The following SBNO2 variants were observed in gnomAD, a reference collection of about 807,000 sequenced individuals.
The protein encoded by SBNO2 is protein strawberry notch homolog 2.
A neutral mutation model predicts 146.3 loss-of-function variants in SBNO2; 89 were observed. The ratio of observed to expected loss-of-function variants is 0.61; its 90% CI spans 0.51 to 0.73. The LOEUF is 0.73. Ranked by LOEUF, SBNO2 falls within the 30% of genes least tolerant of loss-of-function variation. SBNO2 has a pLI of 0.00. For synonymous variants in SBNO2, 1,147 were observed against 892.6 expected (o/e 1.29, Z -5.08); for missense variants, 2,092 against 2,003.7 (o/e 1.04, Z -0.84).
At chr19:1,127,112 C>T (rs555038503) in intron 5 of SBNO2, among the ~76,000 whole-genome samples, 7 of 140,982 alleles carry the variant, frequency 5.0e-5, no homozygotes, top group South Asian at 2.1e-4. Flanking sequence ...CTGACCCAGG[C>T]ACCATGGGGC....
Position 1,109,615 on chromosome 19 carries a change from TG to T in SBNO2, c.3124-18del, listed in dbSNP as rs766262852. ...CACGCTGATCTGCCACGGCACGGGGTGGGGGGGTGTGAGTGTGGTGGGGGCG... is the reference window on the plus strand; with the variant it reads ...CACGCTGATCTGCCACGGCACGGGGTGGGGGGTGTGAGTGTGGTGGGGGCG... On this transcript the variant is annotated intron_variant, in intron 27 of 31. Transcript: ENST00000361757. The surrounding 1 kb of genome is among the most constrained non-coding windows in gnomAD (Gnocchi z 4.2). 32 of 572,834 alleles carry T rather than the reference TG, an allele frequency of 5.6e-5. No individual in the cohort carries two copies. The highest frequency in any genetic ancestry group is 7.3e-5 in the Non-Finnish European group (30 of 411,432). 35.5% of individuals were successfully genotyped at this position (572,834 alleles called of 1,614,324 possible). A position where few individuals can be genotyped will look rare whatever the true frequency, so the allele number is the denominator to read the frequency against.
In SBNO2 at chr19:1,147,959, C is replaced by T. The variant is rs1191045969; in HGVS notation, c.168-539G>A. On this transcript the variant is annotated intron_variant, in intron 3 of 31. Transcript: ENST00000361757. ...GTCCTGGGGGCCCCCCGCCCAGGGG[C>T]GCCTCTCTCCAGATGATCCCAGGAG... Among the ~76,000 whole-genome samples, 5 of 151,970 alleles carry T rather than the reference C, an allele frequency of 3.3e-5. No individual in the cohort carries two copies. In the East Asian group the frequency reaches 7.8e-4, roughly 24 times the overall value.
Position 1,160,186 on chromosome 19 carries a change from G to A in SBNO2, c.-126-5784C>T, listed in dbSNP as rs148391495. Among the ~76,000 whole-genome samples the A allele has an allele frequency of 4.0e-3, 606 of 152,288 alleles. 7 individuals carry two copies. The highest frequency in any genetic ancestry group is 0.014 in the African/African-American group (574 of 41,548). ...GCCCCGGCAGCGAGGCTGAGGGAGCGGGAAGGGCTGGGCCTGGCAGAGGAA... is the reference window on the plus strand; with the variant it reads ...GCCCCGGCAGCGAGGCTGAGGGAGCAGGAAGGGCTGGGCCTGGCAGAGGAA... On this transcript the variant is annotated intron_variant, in intron 1 of 31. Coordinates refer to ENST00000361757, the MANE Select transcript of SBNO2 (RefSeq NM_014963.3).
At chr19:1,127,063 C>G (rs76933628) in intron 5 of SBNO2, among the ~76,000 whole-genome samples, 2 of 152,208 alleles carry the variant, frequency 1.3e-5, no homozygotes, top group African/African-American at 4.8e-5. Context: ...CCACCAACCT[C>G]GCCCTCTCAG....
intron 12 of SBNO2, 32 bp downstream of exon 12, chr19:1,119,874 G>T (rs753980327): frequency 2.7e-6 from 4 of 1,468,292 alleles, no homozygotes; most frequent in Admixed American, 4.0e-5. Context: ...ACGCTGCTGC[G>T]GGTGGGTCAC....
At chr19:1,146,968 C>T (rs76047011) in intron 4 of SBNO2, among the ~76,000 whole-genome samples, 402 of 152,232 alleles carry the variant, frequency 2.6e-3, no homozygotes, top group African/African-American at 3.6e-3. Context: ...TGTCTGGACC[C>T]GCCTAGAGGG....
chr19:1,113,505 A>C, intron 19 of SBNO2, 30 bp downstream of exon 19: 12 of 1,492,396 alleles, frequency 8.0e-6, no homozygotes, highest in Non-Finnish European at 1.1e-5. Context: ...TGCCCCGCCC[A>C]CCACACTCCA....
At chr19:1,139,867 C>A (rs2080119058) in intron 4 of SBNO2, among the ~76,000 whole-genome samples, 1 of 152,080 alleles carries the variant, frequency 6.6e-6, no homozygotes, top group Non-Finnish European at 1.5e-5. Flanking sequence ...ATCGCTTGAA[C>A]CTGGGAGGCA....
chr19:1,163,921 A>C (rs1156363910), intron 1 of SBNO2, among the ~76,000 whole-genome samples: 1 of 151,992 alleles, frequency 6.6e-6, no homozygotes, highest in Non-Finnish European at 1.5e-5. Context: ...ACCGCCCCAT[A>C]CCCCAGGAGC....
chr19:1,149,524 A>T (rs963119694), intron 2 of SBNO2, 82 bp from the exon 3 acceptor site: 1 of 1,303,098 alleles, frequency 7.7e-7, no homozygotes, highest in Non-Finnish European at 1.1e-6. Flanking sequence ...GCAGGGTGAC[A>T]GGCCGAGAGG....
At chr19:1,131,319 C>T (rs2080025769) in intron 4 of SBNO2, among the ~76,000 whole-genome samples, 1 of 152,204 alleles carries the variant, frequency 6.6e-6, no homozygotes, top group Admixed American at 6.5e-5. Flanking sequence ...TGCATCCCTC[C>T]CCGCCAGCCC....
chr19:1,122,189 T>A lies in SBNO2; in HGVS notation c.1099A>T (p.Thr367Ser). 1.3e-6 allele frequency: 2 copies of A among 1,545,172 alleles called. No individual in the cohort carries two copies. Among genetic ancestry groups the A allele is most frequent in the Non-Finnish European group, 1.7e-6 (2 of 1,144,790 alleles). The change falls in exon 11 of 32, where the codon ACT (threonine) becomes TCT (serine). Residue 367 changes from threonine to serine, a missense_variant. Transcript: ENST00000361757. The part of the protein sequence containing the change: ...GESQAGGQHR[T>S]RLRQILDWCG... ...CAGTCCAGGATCTGCCGGAGGCGAG[T>A]GCGGTGCTGGCCGCCGGCCTGGCTC...
rs1178933130 is a variant in SBNO2, at chr19:1,136,114, G to C, written c.280-8349C>G. Among the ~76,000 whole-genome samples the C allele has an allele frequency of 6.6e-6, 1 of 152,228 alleles. No individual in the cohort carries two copies. The highest frequency in any genetic ancestry group is 1.5e-5 in the Non-Finnish European group (1 of 68,032). On this transcript the variant is annotated intron_variant, in intron 4 of 31. Transcript: ENST00000361757. The surrounding 1 kb of genome is among the most constrained non-coding windows in gnomAD (Gnocchi z 4.2). ...CCCGGGGAGGAGGCCACGGGACACAGAAGCAGAGATCCCAGCCCTGCGGCC... is the reference window on the plus strand; with the variant it reads ...CCCGGGGAGGAGGCCACGGGACACACAAGCAGAGATCCCAGCCCTGCGGCC...
Position 1,173,170 on chromosome 19 carries a change from T to C in SBNO2, c.-127+1002A>G, listed in dbSNP as rs543352419. Among the ~76,000 whole-genome samples the C allele has an allele frequency of 2.8e-4, 43 of 152,120 alleles. No individual in the cohort carries two copies. Among genetic ancestry groups the C allele is most frequent in the African/African-American group, 9.6e-4 (40 of 41,518 alleles). On this transcript the variant is annotated intron_variant, in intron 1 of 31. Transcript: ENST00000361757. The surrounding 1 kb of genome is among the most constrained non-coding windows in gnomAD (Gnocchi z 4.7). ...GGGATTGGTCCCTCCAGGCCCCACC[T>C]GCCTTATTCTTCGGGACTCTGGGGT...
At chr19:1,115,735 G>T in intron 17 of SBNO2, 1 of 527,274 alleles carries the variant, frequency 1.9e-6, no homozygotes, top group Non-Finnish European at 3.4e-6. Context: ...AGGTGGGAGG[G>T]GTCTCGCTCA....
At position 1,110,563 on chromosome 19, in the gene SBNO2, T is replaced by G; in HGVS notation, c.3028+182A>C. 2.0e-6 allele frequency: 1 copy of G among 504,404 alleles called. No individual in the cohort carries two copies. The highest frequency in any genetic ancestry group is 3.1e-6 in the Non-Finnish European group (1 of 324,336). 31.2% of individuals were successfully genotyped at this position (504,404 alleles called of 1,614,324 possible). The stretch of plus-strand genomic sequence containing the variant: ...TGTTCCCACGAGCCCCGAGCCCACC[T>G]GGGATGCCCGGCGTTCCCACGAGCC... On this transcript the variant is annotated intron_variant, in intron 26 of 31. Transcript: ENST00000361757. The surrounding 1 kb of genome is among the most constrained non-coding windows in gnomAD (Gnocchi z 4.9).
chr19:1,117,312 C>T lies in SBNO2; in HGVS notation c.1704+11G>A. 1 of 1,554,690 alleles carries T rather than the reference C, an allele frequency of 6.4e-7. No homozygotes were observed. The highest frequency in any genetic ancestry group is 1.4e-5 in the African/African-American group (1 of 73,350). ...GGCCGCCCTCAGCCCTCGAAGGCCGCAGCCGCTCACCTTGTCTCGCGCCAG... is the reference window on the plus strand; with the variant it reads ...GGCCGCCCTCAGCCCTCGAAGGCCGTAGCCGCTCACCTTGTCTCGCGCCAG... On this transcript the variant is annotated intron_variant, in intron 15 of 31. Transcript: ENST00000361757.
At chr19:1,159,504 G>GA in intron 1 of SBNO2, among the ~76,000 whole-genome samples, 1 of 94,048 alleles carries the variant, frequency 1.1e-5, no homozygotes, top group African/African-American at 4.5e-5. Flanking sequence ...GGGGGGACAG[G>GA]GGGCAGCAGG....
Position 1,144,055 on chromosome 19 carries a change from G to A in SBNO2, c.279+3254C>T, listed in dbSNP as rs187501031. Among the ~76,000 whole-genome samples the A allele has an allele frequency of 1.8e-4, 27 of 152,312 alleles. No homozygotes were observed. Among genetic ancestry groups the A allele is most frequent in the African/African-American group, 5.8e-4 (24 of 41,562 alleles). On this transcript the variant is annotated intron_variant, in intron 4 of 31. Coordinates refer to ENST00000361757, the MANE Select transcript of SBNO2 (RefSeq NM_014963.3). The surrounding 1 kb of genome is among the most constrained non-coding windows in gnomAD (Gnocchi z 4.1). ...TGGGGGGCACGGCGCAAAGGGCCTC[G>A]AACACCAGGCTCAGGTCTGGGCTCC...
Sources: allele counts gnomAD v4.1 joint callset (sites outside exome capture counted in the v4.1 genomes callset), GRCh38; gene constraint gnomAD v4.1.1; non-coding constraint Gnocchi (gnomAD v3.1); transcripts MANE v1.5; gene names NCBI Gene and HGNC (gene_info 2026-07-23, HGNC 2026-07-21).